Variants in UGT1A8 observed in about 807,000 individuals in gnomAD.
UGT1A8 encodes UDP glucuronosyltransferase family 1 member A8.
A neutral mutation model predicts 45.3 loss-of-function variants in UGT1A8; 39 were observed. The observed-to-expected ratio is 0.86, with a 90% CI of 0.67 to 1.12. The LOEUF (loss-of-function observed/expected upper bound fraction) is 1.12. Among genes scored for constraint, UGT1A8 ranks in the 50% most tolerant of loss-of-function variants. UGT1A8 has a pLI of 0.00. For synonymous variants in UGT1A8, 275 were observed against 249.2 expected, an observed-to-expected ratio of 1.10 and a Z score of -0.97; for missense variants, 719 against 664.9, an observed-to-expected ratio of 1.08 and a Z score of -0.90.
chr2:233,628,312 TTA>T (rs2073129066), intron 1 of UGT1A8, among the ~76,000 whole-genome samples: 2 of 145,532 alleles, frequency 1.4e-5, no homozygotes, highest in South Asian at 4.4e-4. Flanking sequence ...TTTATGTGGT[TTA>T]TATATATATT....
Position 233,757,535 on chromosome 2 carries a change from A to AATATATATACATATACATATAT in UGT1A8, c.856-9490_856-9489insCATATACATATATATATATATA, listed in dbSNP as rs376887521. Among the ~76,000 whole-genome samples, 172 of 87,958 alleles carry AATATATATACATATACATATAT rather than the reference A, an allele frequency of 2.0e-3. 2 individuals carry two copies. The highest frequency in any genetic ancestry group is 3.2e-3 in the South Asian group (6 of 1,904). The allele number at this position is 87,958 out of a possible 152,430, so 57.7% of individuals were successfully genotyped here. On this transcript the variant is annotated intron_variant, in intron 1 of 4. Coordinates refer to ENST00000373450, the MANE Select transcript of UGT1A8 (RefSeq NM_019076.5). ...CAAAGCCAAAATCTTGCCTGTAAGG[A>AATATATATACATATACATATAT]ATATATATATATATATATATATATA... is the stretch of plus-strand genomic sequence containing the variant.
At chr2:233,677,498 A>G (rs2074392191) in intron 1 of UGT1A8, among the ~76,000 whole-genome samples, 1 of 152,214 alleles carries the variant, frequency 6.6e-6, no homozygotes, top group Non-Finnish European at 1.5e-5. Flanking sequence ...GTATGTTATT[A>G]GTATTATATC....
At chr2:233,690,656 A>G in intron 1 of UGT1A8, 1 of 1,283,474 alleles carries the variant, frequency 7.8e-7, no homozygotes, top group Non-Finnish European at 1.0e-6. Flanking sequence ...CTCCTACAGC[A>G]CCAACCAGGG....
At chr2:233,727,866 T>A (rs1246200452) in intron 1 of UGT1A8, among the ~76,000 whole-genome samples, 1 of 152,128 alleles carries the variant, frequency 6.6e-6, no homozygotes, top group Non-Finnish European at 1.5e-5. Flanking sequence ...AAGGGAAGCC[T>A]CAGCCTCACC....
At chr2:233,629,344 ATT>A (rs2073147157) in intron 1 of UGT1A8, among the ~76,000 whole-genome samples, 1 of 151,888 alleles carries the variant, frequency 6.6e-6, no homozygotes, top group South Asian at 2.1e-4. Flanking sequence ...CATACACCAC[ATT>A]TTTGCTTGGG....
At position 233,673,547 on chromosome 2, in the gene UGT1A8, T is replaced by C. The variant is rs371057259; in HGVS notation, c.855+54985T>C. 6.6e-5 allele frequency among the ~76,000 whole-genome samples: 10 copies of C among 152,272 alleles called. No individual in the cohort carries two copies. The East Asian group carries it at 1.9e-3, about 29-fold the overall frequency. On this transcript the variant is annotated intron_variant, in intron 1 of 4. Coordinates refer to ENST00000373450, the MANE Select transcript of UGT1A8 (RefSeq NM_019076.5). ...CAGGATTTCCATGAATTGAGAAGGA[T>C]TGGCATTTTTTTGCTATTGTGTCTT...
chr2:233,675,462 C>G (rs79913681), intron 1 of UGT1A8, among the ~76,000 whole-genome samples: 3,010 of 152,142 alleles, frequency 0.02, 50 homozygotes, highest in Middle Eastern at 0.065. Context: ...TTGTCTATAC[C>G]ATCCATGGCA....
chr2:233,639,843 T>C, intron 1 of UGT1A8, among the ~76,000 whole-genome samples: 1 of 152,268 alleles, frequency 6.6e-6, no homozygotes, highest in East Asian at 1.9e-4. Context: ...CATTTCAGTA[T>C]TCTAATGTGT....
intron 1 of UGT1A8, among the ~76,000 whole-genome samples, chr2:233,695,128 T>C (rs2075262409): frequency 9.2e-6 from 1 of 109,188 alleles, no homozygotes; most frequent in African/African-American, 4.0e-5. Context: ...CCCTTTTCTT[T>C]TCTTTTTTTT....
At chr2:233,737,836 G>A (rs1690606098) in intron 1 of UGT1A8, among the ~76,000 whole-genome samples, 1 of 151,904 alleles carries the variant, frequency 6.6e-6, no homozygotes, top group African/African-American at 2.4e-5. Flanking sequence ...TGGGAACTGT[G>A]GCACAGGTCA....
intron 1 of UGT1A8, among the ~76,000 whole-genome samples, chr2:233,702,826 A>G (rs1459451929): frequency 1.3e-5 from 2 of 152,202 alleles, no homozygotes; most frequent in African/African-American, 4.8e-5. Context: ...ATTGTGTTGT[A>G]TAATCCTTTT....
chr2:233,694,449 C>T (rs182709134), intron 1 of UGT1A8, among the ~76,000 whole-genome samples: 1 of 152,296 alleles, frequency 6.6e-6, no homozygotes. Context: ...TACTGACTGG[C>T]CTTTTCAGCA....
At chr2:233,735,337 C>CT (rs939538517) in intron 1 of UGT1A8, among the ~76,000 whole-genome samples, 10 of 150,780 alleles carry the variant, frequency 6.6e-5, no homozygotes, top group South Asian at 2.1e-4. Context: ...GCAACCCCTG[C>CT]TTTTTTTTTG....
At chr2:233,648,888 C>G in intron 1 of UGT1A8, 1 of 1,303,164 alleles carries the variant, frequency 7.7e-7, no homozygotes, top group Non-Finnish European at 1.1e-6. Context: ...AAACACCTGT[C>G]ATGGCATATG....
chr2:233,647,677 G>T (rs1450747646), intron 1 of UGT1A8, among the ~76,000 whole-genome samples: 1 of 152,168 alleles, frequency 6.6e-6, no homozygotes, highest in Non-Finnish European at 1.5e-5. Flanking sequence ...TTATTGGCAT[G>T]AACTTGTTCA....
intron 1 of UGT1A8, chr2:233,713,171 C>G (rs1260839534): frequency 1.2e-6 from 2 of 1,614,088 alleles, no homozygotes; most frequent in Non-Finnish European, 8.5e-7. Flanking sequence ...AGGTGGTGGT[C>G]CTCACCCTGG....
At chr2:233,636,551 T>C (rs1265281323) in intron 1 of UGT1A8, 18 of 1,613,948 alleles carry the variant, frequency 1.1e-5, no homozygotes, top group Non-Finnish European at 1.5e-5. Flanking sequence ...ACCAGCCCCG[T>C]TCCTTTATGT....
intron 1 of UGT1A8, 59 bp from the exon 2 acceptor site, chr2:233,766,975 T>C (rs1262639275): frequency 2.5e-6 from 4 of 1,612,148 alleles, no homozygotes; most frequent in Non-Finnish European, 2.5e-6. Context: ...TAACTTACTG[T>C]ATGTAGTCAT....
At position 233,769,583 on chromosome 2, in the gene UGT1A8, G is replaced by A. The variant is rs749814257; in HGVS notation, c.1295+1144G>A. ...GTGAAGAGCTGGAGCATGTTCAGATGAGAGGAGACGGAACACGGGGACACA... is the reference window on the plus strand; with the variant it reads ...GTGAAGAGCTGGAGCATGTTCAGATAAGAGGAGACGGAACACGGGGACACA... On this transcript the variant is annotated intron_variant, in intron 4 of 4. Transcript: ENST00000373450. The surrounding 1 kb of genome is among the most constrained non-coding windows in gnomAD (Gnocchi z 4.4). 1.4e-5 allele frequency: 22 copies of A among 1,612,904 alleles called. No individual in the cohort carries two copies. The East Asian group carries it at 4.7e-4, about 34-fold the overall frequency.
Sources: gnomAD v4.1 joint callset for allele counts (sites outside exome capture counted in the v4.1 genomes callset) on GRCh38, gnomAD v4.1.1 for gene constraint, Gnocchi (gnomAD v3.1) non-coding constraint, MANE v1.5 for transcripts, NCBI Gene and HGNC (gene_info 2026-07-23, HGNC 2026-07-21) for gene names.